Variants in NOL4 observed in about 807,000 individuals in gnomAD.
The protein encoded by NOL4 is nucleolar protein 4.
NOL4 carries 17 observed loss-of-function variants against 75.9 expected under a neutral mutation model. The observed-to-expected ratio is 0.22, with a 90% CI of 0.15 to 0.34. NOL4 has a LOEUF of 0.34. Ranked by LOEUF, NOL4 falls within the 10% of genes least tolerant of loss-of-function variation. The pLI, the probability that NOL4 is intolerant of heterozygous loss-of-function variation, is 1.00. For synonymous variants in NOL4, 292 were observed against 289.9 expected (o/e 1.01, Z -0.07); for missense variants, 614 against 793.5 (o/e 0.77, Z 2.72).
chr18:33,873,813 C>T (rs2063806217), intron 10 of NOL4, among the ~76,000 whole-genome samples: 1 of 151,858 alleles, frequency 6.6e-6, no homozygotes, highest in Non-Finnish European at 1.5e-5. Context: ...GAAAGCAGCA[C>T]ATAATGGACA....
intron 6 of NOL4, among the ~76,000 whole-genome samples, chr18:33,977,646 C>T (rs57733668): frequency 0.047 from 7,215 of 152,192 alleles, 374 homozygotes; most frequent in African/African-American, 0.13. Flanking sequence ...CCATCCATAC[C>T]TACTATGTTA....
chr18:34,051,406 A>C (rs2076619499), intron 5 of NOL4, among the ~76,000 whole-genome samples: 1 of 152,114 alleles, frequency 6.6e-6, no homozygotes, highest in African/African-American at 2.4e-5. Flanking sequence ...CAATGAACTA[A>C]ATTTTAAATA....
intron 6 of NOL4, among the ~76,000 whole-genome samples, chr18:33,962,462 G>C (rs891129784): frequency 6.6e-6 from 1 of 152,120 alleles, no homozygotes; most frequent in Non-Finnish European, 1.5e-5. Flanking sequence ...CTTTATGAAG[G>C]GAAAATTTAA....
In NOL4 at chr18:34,192,719, A is replaced by G. The variant is rs77779812; in HGVS notation, c.264+30271T>C. On this transcript the variant is annotated intron_variant, in intron 1 of 10. Transcript: ENST00000261592. ...GCTATTGCTTAAATGTGTCTTCCAA[A>G]GCTCACATGTTAGAAACTTAATCCC... Among the ~76,000 whole-genome samples, 1,335 of 152,272 alleles carry G rather than the reference A, an allele frequency of 8.8e-3. 4 individuals carry two copies. The highest frequency in any genetic ancestry group is 0.034 in the Middle Eastern group (10 of 294).
chr18:33,878,471 C>T (rs2064064156), intron 10 of NOL4, among the ~76,000 whole-genome samples: 2 of 152,032 alleles, frequency 1.3e-5, no homozygotes, highest in Non-Finnish European at 2.9e-5. Flanking sequence ...AAGTTCCATG[C>T]TTAGGTTAAT....
intron 9 of NOL4, among the ~76,000 whole-genome samples, chr18:33,940,293 G>C (rs1470754492): frequency 1.3e-5 from 2 of 151,924 alleles, no homozygotes; most frequent in South Asian, 2.1e-4. Context: ...CAAAGACTTG[G>C]AGCCAACAAA....
At chr18:33,920,297 C>T (rs1430199049) in intron 9 of NOL4, among the ~76,000 whole-genome samples, 2 of 151,974 alleles carry the variant, frequency 1.3e-5, no homozygotes, top group African/African-American at 4.8e-5. Flanking sequence ...TGGTTGTACC[C>T]CAAATCTTTA....
chr18:34,127,247 A>C (rs1346207753), intron 2 of NOL4, among the ~76,000 whole-genome samples: 1 of 152,080 alleles, frequency 6.6e-6, no homozygotes, highest in East Asian at 1.9e-4. Flanking sequence ...TTAATCCAAC[A>C]TTAAAGGACC....
At chr18:34,094,352 A>G (rs2078670647) in intron 4 of NOL4, among the ~76,000 whole-genome samples, 1 of 152,226 alleles carries the variant, frequency 6.6e-6, no homozygotes, top group Non-Finnish European at 1.5e-5. Context: ...AGAGCAAGCT[A>G]ATCTTAGTAC....
chr18:34,045,327 A>G (rs764935007), intron 5 of NOL4, among the ~76,000 whole-genome samples: 3 of 152,150 alleles, frequency 2.0e-5, no homozygotes, highest in Non-Finnish European at 2.9e-5. Flanking sequence ...TAGTGTTTCT[A>G]TACTAGTTTA....
intron 9 of NOL4, among the ~76,000 whole-genome samples, chr18:33,888,127 T>C (rs2064873816): frequency 6.6e-6 from 1 of 152,218 alleles, no homozygotes; most frequent in African/African-American, 2.4e-5. Context: ...TGGTGTGAGA[T>C]GGTATCTCAT....
intron 4 of NOL4, among the ~76,000 whole-genome samples, chr18:34,102,638 T>C (rs191531515): frequency 2.6e-5 from 4 of 152,156 alleles, no homozygotes; most frequent in Admixed American, 2.6e-4. Flanking sequence ...GGGATCAGCA[T>C]ATGTGGGCGC....
rs145898065 is a variant in NOL4, at chr18:34,131,052, A to C, written c.265-1032T>G. Among the ~76,000 whole-genome samples the C allele has an allele frequency of 7.2e-3, 1,059 of 146,570 alleles. 12 individuals are homozygous for C. Among genetic ancestry groups the C allele is most frequent in the Middle Eastern group, 0.028 (8 of 282 alleles). ...CCTGCTTGCAAACACACACATACAC[A>C]TACACACACACACATACACCGACAC... On this transcript the variant is annotated intron_variant, in intron 1 of 10. Coordinates refer to ENST00000261592, the MANE Select transcript of NOL4 (RefSeq NM_003787.5).
At chr18:34,161,840 G>A (rs7236003) in intron 1 of NOL4, among the ~76,000 whole-genome samples, 3,005 of 152,236 alleles carry the variant, frequency 0.02, 105 homozygotes, top group African/African-American at 0.069. Flanking sequence ...ATGTTCTGGT[G>A]TCTTTGCACT....
At chr18:33,928,448 A>G (rs1481625020) in intron 9 of NOL4, among the ~76,000 whole-genome samples, 1 of 152,152 alleles carries the variant, frequency 6.6e-6, no homozygotes, top group African/African-American at 2.4e-5. Flanking sequence ...AAAGAAAAAC[A>G]TCAGAAATTG....
chr18:33,884,850 G>C (rs1289493803), intron 9 of NOL4, among the ~76,000 whole-genome samples: 1 of 152,034 alleles, frequency 6.6e-6, no homozygotes, highest in Non-Finnish European at 1.5e-5. Context: ...AGAATACTAT[G>C]ACCATCTATA....
chr18:34,116,132 A>G (rs2079845051), intron 2 of NOL4, among the ~76,000 whole-genome samples: 1 of 152,194 alleles, frequency 6.6e-6, no homozygotes, highest in South Asian at 2.1e-4. Context: ...TATAAAAGTA[A>G]TTTAACCACA....
intron 9 of NOL4, among the ~76,000 whole-genome samples, chr18:33,904,878 A>C (rs2065945374): frequency 2.6e-5 from 4 of 152,174 alleles, no homozygotes. Flanking sequence ...CATGAATGTC[A>C]AGGGAAGCTG....
intron 10 of NOL4, among the ~76,000 whole-genome samples, chr18:33,862,417 A>G (rs866850508): frequency 1.3e-5 from 2 of 152,204 alleles, no homozygotes; most frequent in African/African-American, 4.8e-5. Flanking sequence ...AAAATTGACA[A>G]ATGGGATCTA....
Sources: allele counts gnomAD v4.1 joint callset (sites outside exome capture counted in the v4.1 genomes callset), GRCh38; gene constraint gnomAD v4.1.1; transcripts MANE v1.5; gene names NCBI Gene and HGNC (gene_info 2026-07-23, HGNC 2026-07-21).